DCLK1: variants seen among roughly 807,000 people sequenced by gnomAD.
DCLK1 encodes doublecortin like kinase 1.
DCLK1 carries 16 observed loss-of-function variants against 86.2 expected under a neutral mutation model. The ratio of observed to expected loss-of-function variants is 0.19; its 90% CI spans 0.13 to 0.28. The LOEUF (loss-of-function observed/expected upper bound fraction) is 0.28, where lower values mean the gene tolerates loss of function less well. DCLK1 is among the 10% of genes least tolerant of loss of function. DCLK1 has a pLI of 1.00. For synonymous variants in DCLK1, 369 were observed against 370.5 expected, an observed-to-expected ratio of 1.00 and a Z score of 0.05; for missense variants, 590 against 940.2, an observed-to-expected ratio of 0.63 and a Z score of 4.87.
chr13:35,813,502 A>T (rs2087195494), intron 11 of DCLK1, among the ~76,000 whole-genome samples: 1 of 152,198 alleles, frequency 6.6e-6, no homozygotes, highest in East Asian at 1.9e-4. Flanking sequence ...TAGACCAATT[A>T]TATTTAATAT....
At chr13:35,925,870 T>C (rs1876083200) in intron 4 of DCLK1, among the ~76,000 whole-genome samples, 1 of 152,174 alleles carries the variant, frequency 6.6e-6, no homozygotes, top group South Asian at 2.1e-4. Flanking sequence ...AAAATATGAC[T>C]ACACATCCAA....
chr13:35,859,953 G>C (rs1871289473), intron 5 of DCLK1, among the ~76,000 whole-genome samples: 1 of 152,188 alleles, frequency 6.6e-6, no homozygotes, highest in African/African-American at 2.4e-5. Context: ...ATGTTAGTAA[G>C]TGTCTCAAAT....
At chr13:35,944,804 T>A (rs571937154) in intron 4 of DCLK1, among the ~76,000 whole-genome samples, 69 of 152,232 alleles carry the variant, frequency 4.5e-4, no homozygotes, top group Non-Finnish European at 7.2e-4. Context: ...CCACAAAAGA[T>A]GGAGAAGGTG....
chr13:35,986,031 C>T (rs944556918), intron 3 of DCLK1, among the ~76,000 whole-genome samples: 1 of 151,952 alleles, frequency 6.6e-6, no homozygotes, highest in Non-Finnish European at 1.5e-5. Context: ...AGGTCGGGCA[C>T]GGTGGGTCAT....
Position 35,966,787 on chromosome 13 carries a change from G to C in DCLK1, c.724-19330C>G, listed in dbSNP as rs539979028. ...TCCTGAGGTGCCGGGATTGCAGACG[G>C]AGTCTCGCTCACTCAGCGCTCAATG... On this transcript the variant is annotated intron_variant, in intron 3 of 16. Transcript: ENST00000360631. Among the ~76,000 whole-genome samples the C allele has an allele frequency of 1.8e-4, 27 of 152,180 alleles. No individual in the cohort carries two copies. In the South Asian group the frequency reaches 2.7e-3, roughly 15 times the overall value.
At chr13:36,035,750 G>C (rs1330351070) in intron 3 of DCLK1, among the ~76,000 whole-genome samples, 2 of 152,046 alleles carry the variant, frequency 1.3e-5, no homozygotes, top group African/African-American at 4.8e-5. Flanking sequence ...TGTTACTTTT[G>C]TCACTGGCAA....
Position 36,112,060 on chromosome 13 carries a change from C to T in DCLK1, c.532G>A (p.Glu178Lys). The change falls in exon 3 of 17, where the codon GAG becomes AAG. Residue 178 changes from glutamate (E) to lysine (K), a missense_variant. Glu to Lys is a moderately conservative substitution (Grantham distance 56). Coordinates refer to ENST00000360631, the MANE Select transcript of DCLK1 (RefSeq NM_001330071.2). Reference protein sequence around the residue: ...TAKGSPSEVRENKDFIRPKLV... With the variant: ...TAKGSPSEVRKNKDFIRPKLV... ...TTGGGCCGAATGAAATCCTTATTCT[C>T]TCGCACCTCTGAAGGGCTTCCTTTG... 6.2e-7 allele frequency: 1 copy of T among 1,614,212 alleles called. No individual in the cohort carries two copies. The highest frequency in any genetic ancestry group is 1.1e-5 in the South Asian group (1 of 91,088).
intron 3 of DCLK1, among the ~76,000 whole-genome samples, chr13:36,068,752 AG>A (rs1451555309): frequency 6.6e-6 from 1 of 152,100 alleles, no homozygotes; most frequent in East Asian, 1.9e-4. Flanking sequence ...AAGAAAATGC[AG>A]GGGGAAAATC....
intron 3 of DCLK1, among the ~76,000 whole-genome samples, chr13:36,087,669 T>A (rs1184636520): frequency 6.6e-6 from 1 of 152,086 alleles, no homozygotes; most frequent in Non-Finnish European, 1.5e-5. Context: ...TATCCATACC[T>A]TTTTCCCACC....
intron 3 of DCLK1, among the ~76,000 whole-genome samples, chr13:36,027,536 C>A (rs1028919711): frequency 3.3e-5 from 5 of 152,120 alleles, no homozygotes; most frequent in African/African-American, 4.8e-5. Context: ...GTGAATAAAT[C>A]GAATAGCTTC....
At chr13:35,880,137 G>A (rs1336953668) in intron 4 of DCLK1, among the ~76,000 whole-genome samples, 3 of 152,136 alleles carry the variant, frequency 2.0e-5, no homozygotes, top group African/African-American at 7.2e-5. Context: ...ACTGAGTTTC[G>A]GGCTTTACAC....
intron 12 of DCLK1, among the ~76,000 whole-genome samples, 189 bp downstream of exon 12, chr13:35,810,646 C>T (rs2087122848): frequency 6.6e-6 from 1 of 152,126 alleles, no homozygotes; most frequent in Admixed American, 6.5e-5. Context: ...ATTGACAAAA[C>T]AGATTGGGAA....
Position 35,774,470 on chromosome 13 carries a change from AT to A in DCLK1, c.*64del. 1.3e-6 allele frequency: 2 copies of A among 1,536,224 alleles called. No individual in the cohort carries two copies. Among genetic ancestry groups the A allele is most frequent in the Middle Eastern group, 3.4e-4 (2 of 5,886 alleles). On this transcript the variant is annotated 3_prime_UTR_variant, in exon 17 of 17. Coordinates refer to ENST00000360631, the MANE Select transcript of DCLK1 (RefSeq NM_001330071.2). ...GATCAGATGAAACTGTTTTACACAA[AT>A]TTGGGGGAAAAAAATCTCAGAGTCT...
chr13:35,900,090 T>C (rs866874453), intron 4 of DCLK1, among the ~76,000 whole-genome samples: 2 of 152,206 alleles, frequency 1.3e-5, no homozygotes, highest in South Asian at 2.1e-4. Context: ...CAAGTTAAAA[T>C]AAATGAGAAA....
intron 3 of DCLK1, among the ~76,000 whole-genome samples, chr13:36,017,516 T>C (rs1448462137): frequency 6.6e-6 from 1 of 152,220 alleles, no homozygotes; most frequent in East Asian, 1.9e-4. Flanking sequence ...TAGCTAATGT[T>C]GTAGTGAGTA....
intron 3 of DCLK1, among the ~76,000 whole-genome samples, chr13:36,002,672 C>G (rs1430727989): frequency 6.6e-6 from 1 of 152,164 alleles, no homozygotes; most frequent in African/African-American, 2.4e-5. Context: ...AAGGCTGTCT[C>G]TGGCTCATCT....
chr13:35,781,085 T>C (rs1452525786), intron 16 of DCLK1, among the ~76,000 whole-genome samples: 2 of 152,194 alleles, frequency 1.3e-5, no homozygotes, highest in African/African-American at 4.8e-5. Context: ...ACCCATCTGG[T>C]ATGTCTAACG....
intron 3 of DCLK1, among the ~76,000 whole-genome samples, chr13:35,959,723 T>C (rs1395975628): frequency 6.6e-6 from 1 of 152,168 alleles, no homozygotes; most frequent in Non-Finnish European, 1.5e-5. Context: ...CTTGGCTGTT[T>C]CTATGATCTC....
chr13:35,927,551 G>A (rs1333064842), intron 4 of DCLK1, among the ~76,000 whole-genome samples: 10 of 152,272 alleles, frequency 6.6e-5, no homozygotes, highest in Admixed American at 1.3e-4. Context: ...CAGAATTAGC[G>A]TGGATATCCT....
Sources: allele counts gnomAD v4.1 joint callset (sites outside exome capture counted in the v4.1 genomes callset), GRCh38; gene constraint gnomAD v4.1.1; transcripts MANE v1.5; gene names NCBI Gene and HGNC (gene_info 2026-07-23, HGNC 2026-07-21).